ITGB3: variants seen among roughly 807,000 people sequenced by gnomAD.
The protein encoded by ITGB3 is integrin subunit beta 3.
A neutral mutation model predicts 85.8 loss-of-function variants in ITGB3; 48 were observed. The observed-to-expected ratio is 0.56, with a 90% CI of 0.44 to 0.71. The LOEUF is 0.71. ITGB3 is among the 30% of genes least tolerant of loss of function. The pLI is 0.00. For synonymous variants in ITGB3, 363 were observed against 395.6 expected (o/e 0.92, Z 0.98); for missense variants, 861 against 1,019.1 (o/e 0.84, Z 2.11).
rs7503748 is a variant in ITGB3, at chr17:47,269,275, C to T, written c.80-5144C>T. ...TTTTCTTGGTAATTAACATTCAGCT[C>T]CTCGTTACTTATTTCTGCAGCTGGC... is the stretch of plus-strand genomic sequence containing the variant. On this transcript the variant is annotated intron_variant, in intron 1 of 14. Coordinates refer to ENST00000559488, the MANE Select transcript of ITGB3 (RefSeq NM_000212.3). Among the ~76,000 whole-genome samples, 1,453 of 152,306 alleles carry T rather than the reference C, an allele frequency of 9.5e-3. 44 individuals are homozygous for T. Among genetic ancestry groups the T allele is most frequent in the East Asian group, 0.069 (356 of 5,186 alleles).
intron 7 of ITGB3, 90 bp downstream of exon 7, chr17:47,289,866 A>G: frequency 1.1e-6 from 1 of 936,636 alleles, no homozygotes; most frequent in East Asian, 2.4e-5. Context: ...TACAGTCCCC[A>G]ATCAGGAAAG....
intron 12 of ITGB3, among the ~76,000 whole-genome samples, chr17:47,301,845 G>A (rs549873571): frequency 1.3e-5 from 2 of 152,104 alleles, no homozygotes; most frequent in South Asian, 4.2e-4. Flanking sequence ...CCCAAGCAAG[G>A]GAATGGCAAA....
intron 2 of ITGB3, among the ~76,000 whole-genome samples, chr17:47,280,883 C>T (rs967862730): frequency 6.6e-6 from 1 of 152,210 alleles, no homozygotes; most frequent in Non-Finnish European, 1.5e-5. Flanking sequence ...CCTTGACTCT[C>T]ACTCTATACG....
chr17:47,308,184 T>TAATAA (rs1555574018), intron 14 of ITGB3, among the ~76,000 whole-genome samples: 8 of 148,686 alleles, frequency 5.4e-5, no homozygotes, highest in African/African-American at 1.5e-4. Context: ...ATAATAATAA[T>TAATAA]AATAAAATAA....
chr17:47,290,830 T>C (rs926928095), intron 8 of ITGB3, 124 bp from the exon 9 acceptor site: 123 of 1,138,002 alleles, frequency 1.1e-4, no homozygotes, highest in Non-Finnish European at 1.5e-4. Flanking sequence ...AACCTTGGCC[T>C]CTGGCACTGC....
chr17:47,254,008 C>A (rs1598673636), intron 1 of ITGB3, 68 bp downstream of exon 1: 7 of 1,075,020 alleles, frequency 6.5e-6, no homozygotes, highest in African/African-American at 3.3e-5. Context: ...AAGTTGCGGA[C>A]TTGGAGCCGG....
Position 47,292,133 on chromosome 17 carries a change from A to G in ITGB3, c.1261-6A>G, listed in dbSNP as rs369135631. Reference sequence around the variant, plus strand: ...GTGTCTAAATACAATCTTTCTTTCCATCCAGGTGAGCTTCAGCATTGAGGC... The same window carrying G: ...GTGTCTAAATACAATCTTTCTTTCCGTCCAGGTGAGCTTCAGCATTGAGGC... On this transcript the variant is annotated splice_region_variant and splice_polypyrimidine_tract_variant and intron_variant, in intron 9 of 14. Transcript: ENST00000559488. 4.8e-5 allele frequency: 77 copies of G among 1,613,772 alleles called. No homozygotes were observed. The highest frequency in any genetic ancestry group is 6.3e-5 in the Non-Finnish European group (74 of 1,179,910).
chr17:47,298,104 C>T (rs570701857), intron 10 of ITGB3, among the ~76,000 whole-genome samples: 3 of 152,090 alleles, frequency 2.0e-5, no homozygotes, highest in East Asian at 1.9e-4. Context: ...ACTTGAACTG[C>T]GCCTGTAACT....
intron 2 of ITGB3, among the ~76,000 whole-genome samples, chr17:47,274,742 C>G (rs2065056916): frequency 6.6e-6 from 1 of 152,226 alleles, no homozygotes; most frequent in African/African-American, 2.4e-5. Context: ...GGCTCGACCT[C>G]CTGTCCTCTC....
intron 6 of ITGB3, among the ~76,000 whole-genome samples, chr17:47,287,954 C>A (rs1292139760): frequency 1.1e-5 from 1 of 90,066 alleles, no homozygotes; most frequent in Non-Finnish European, 2.0e-5. Context: ...GATACAGAGT[C>A]TTGCTTTGTT....
chr17:47,286,569 A>G lies in ITGB3; in HGVS notation c.777+147A>G, dbSNP rs966929071. ...AGTTATGAGTAGTAAGTTGCTCCTG[A>G]TATTCAGCCTTGGCTTAGATCCACT... On this transcript the variant is annotated intron_variant, in intron 5 of 14. Transcript: ENST00000559488. The G allele has an allele frequency of 3.0e-6, 3 of 998,672 alleles. No individual in the cohort carries two copies. The Admixed American group carries it at 5.4e-5, about 18-fold the overall frequency. The allele number at this position is 998,672 out of a possible 1,614,324, so 61.9% of individuals were successfully genotyped here.
chr17:47,277,885 ATT>A (rs2065069400), intron 2 of ITGB3, among the ~76,000 whole-genome samples: 1 of 152,198 alleles, frequency 6.6e-6, no homozygotes, highest in Non-Finnish European at 1.5e-5. Flanking sequence ...ATAGGCCATG[ATT>A]TACATTTCTT....
At chr17:47,298,882 G>A (rs1480540615) in intron 10 of ITGB3, among the ~76,000 whole-genome samples, 2 of 152,218 alleles carry the variant, frequency 1.3e-5, no homozygotes, top group Non-Finnish European at 2.9e-5. Context: ...TGAGTGCCCT[G>A]TGTAGGTTCA....
chr17:47,305,238 C>A (rs968686605), intron 13 of ITGB3, among the ~76,000 whole-genome samples: 1 of 152,184 alleles, frequency 6.6e-6, no homozygotes, highest in African/African-American at 2.4e-5. Flanking sequence ...GGGCCCTTCA[C>A]TCTTGGGAAC....
Position 47,286,222 on chromosome 17 carries a change from G to A in ITGB3, c.615-38G>A, listed in dbSNP as rs758016295. 16 of 1,612,544 alleles carry A rather than the reference G, an allele frequency of 9.9e-6. No homozygotes were observed. In the South Asian group the frequency reaches 1.8e-4, roughly 18 times the overall value. On this transcript the variant is annotated intron_variant, in intron 4 of 14. Transcript: ENST00000559488. ...CCAATTCCCATGCTGCCTTTTCCAT[G>A]AAGGTGTCTGCTTAAATTATCTCCC... is the stretch of plus-strand genomic sequence containing the variant.
intron 9 of ITGB3, 85 bp downstream of exon 9, chr17:47,291,173 GC>G (rs768926242): frequency 6.5e-7 from 1 of 1,537,036 alleles, no homozygotes; most frequent in South Asian, 1.1e-5. Context: ...ACTAAAAATG[GC>G]CCCCTTCCAC....
At chr17:47,296,693 G>A (rs974522671) in intron 10 of ITGB3, among the ~76,000 whole-genome samples, 6 of 152,192 alleles carry the variant, frequency 3.9e-5, no homozygotes, top group South Asian at 2.1e-4. Context: ...TGCTACTGAT[G>A]TCTAGAGGGT....
intron 10 of ITGB3, among the ~76,000 whole-genome samples, chr17:47,297,437 C>T (rs12162128): frequency 0.021 from 3,221 of 152,250 alleles, 138 homozygotes; most frequent in East Asian, 0.19. Flanking sequence ...ACATGGATCA[C>T]CTGAGGTCAG....
At chr17:47,291,381 A>C in intron 9 of ITGB3, 1 of 570,920 alleles carries the variant, frequency 1.8e-6, no homozygotes, top group Non-Finnish European at 3.1e-6. Flanking sequence ...TGCAAAGGAA[A>C]ATATTTCTTT....
Sources: allele counts gnomAD v4.1 joint callset (sites outside exome capture counted in the v4.1 genomes callset), GRCh38; gene constraint gnomAD v4.1.1; transcripts MANE v1.5; gene names NCBI Gene and HGNC (gene_info 2026-07-23, HGNC 2026-07-21).